The following FOCAD variants were observed in gnomAD, a reference collection of about 807,000 sequenced individuals.
FOCAD encodes focadhesin, also known as KIAA1797.
Under a neutral mutation model 225.6 loss-of-function variants are expected in FOCAD, and 198 were observed. The observed-to-expected ratio is 0.88, with a 90% confidence interval of 0.78 to 0.99. The LOEUF (loss-of-function observed/expected upper bound fraction) is 0.99, where lower values mean the gene tolerates loss of function less well. Ranked by LOEUF, FOCAD falls within the 50% of genes least tolerant of loss-of-function variation. The pLI, the probability that FOCAD is intolerant of heterozygous loss-of-function variation, is 0.00. For synonymous variants in FOCAD, 897 were observed against 755.0 expected, an observed-to-expected ratio of 1.19 and a Z score of -3.08; for missense variants, 2,713 against 2,123.6, an observed-to-expected ratio of 1.28 and a Z score of -5.46.
At chr9:20,862,269 G>C (rs1828840068) in intron 15 of FOCAD, among the ~76,000 whole-genome samples, 1 of 151,984 alleles carries the variant, frequency 6.6e-6, no homozygotes, top group Non-Finnish European at 1.5e-5. Context: ...CATATAGCTA[G>C]ATAATCTGGA....
At chr9:20,763,826 C>T (rs901747677) in intron 6 of FOCAD, among the ~76,000 whole-genome samples, 2 of 152,016 alleles carry the variant, frequency 1.3e-5, no homozygotes, top group African/African-American at 2.4e-5. Context: ...AATGACATGA[C>T]CATATTTTTA....
intron 28 of FOCAD, among the ~76,000 whole-genome samples, chr9:20,937,795 C>T (rs1003197783): frequency 6.6e-6 from 1 of 152,074 alleles, no homozygotes; most frequent in African/African-American, 2.4e-5. Context: ...AACAGGCAAC[C>T]TACAGAATGG....
chr9:20,769,930 G>A, intron 7 of FOCAD, 102 bp from the exon 8 acceptor site: 2 of 1,043,728 alleles, frequency 1.9e-6, no homozygotes, highest in Non-Finnish European at 2.8e-6. Context: ...AGTCTTTATA[G>A]GTTTAGAGAA....
chr9:20,949,748 TACAA>T, intron 33 of FOCAD, 73 bp downstream of exon 33: 4 of 1,241,524 alleles, frequency 3.2e-6, no homozygotes, highest in Non-Finnish European at 4.7e-6. Flanking sequence ...TATTACATGA[TACAA>T]CATGTTTTAC....
chr9:20,791,556 G>T, intron 11 of FOCAD, among the ~76,000 whole-genome samples: 1 of 152,078 alleles, frequency 6.6e-6, no homozygotes, highest in Non-Finnish European at 1.5e-5. Context: ...TCATGGTCTG[G>T]GCAGTATTTT....
chr9:20,978,260 T>G, intron 36 of FOCAD, 79 bp from the exon 37 acceptor site: 1 of 856,580 alleles, frequency 1.2e-6, no homozygotes, highest in Non-Finnish European at 1.7e-6. Context: ...AGCAGATGCT[T>G]TGATTTGAGA....
intron 11 of FOCAD, among the ~76,000 whole-genome samples, chr9:20,804,097 A>C (rs1404821399): frequency 6.6e-6 from 1 of 152,018 alleles, no homozygotes; most frequent in African/African-American, 2.4e-5. Context: ...GGTTCGATTC[A>C]CACCTTTTCC....
intron 24 of FOCAD, among the ~76,000 whole-genome samples, chr9:20,921,435 C>G (rs187673607): frequency 1.2e-4 from 19 of 152,286 alleles, no homozygotes; most frequent in Non-Finnish European, 2.5e-4. Flanking sequence ...ATTTGAGCAA[C>G]AAGGTGATGA....
At chr9:20,823,178 A>G (rs1824514346) in intron 15 of FOCAD, 63 bp downstream of exon 15, 7 of 1,503,116 alleles carry the variant, frequency 4.7e-6, no homozygotes, top group Non-Finnish European at 6.3e-6. Context: ...CAGAGTGGGT[A>G]CAAGAATGTA....
Position 20,964,984 on chromosome 9 carries a change from C to T in FOCAD, c.4133-11436C>T, listed in dbSNP as rs146432091. Reference sequence around the variant, plus strand: ...GAGAAGGTGCTGATGGGAAATAAGTCTAAAATATGGGAGAAAGGCCTAGAT... The same window carrying T: ...GAGAAGGTGCTGATGGGAAATAAGTTTAAAATATGGGAGAAAGGCCTAGAT... On this transcript the variant is annotated intron_variant, in intron 35 of 43. Transcript: ENST00000338382. 2.7e-3 allele frequency among the ~76,000 whole-genome samples: 406 copies of T among 152,066 alleles called. 4 individuals carry two copies. The highest frequency in any genetic ancestry group is 8.9e-3 in the African/African-American group (369 of 41,470).
At chr9:20,669,067 C>T (rs941455200) in intron 2 of FOCAD, among the ~76,000 whole-genome samples, 2 of 152,134 alleles carry the variant, frequency 1.3e-5, no homozygotes, top group African/African-American at 2.4e-5. Flanking sequence ...ATTTATTTCC[C>T]TGCTCTTGGA....
chr9:20,957,480 T>TTTTTTTTTC, intron 35 of FOCAD: 1 of 112,376 alleles, frequency 8.9e-6, no homozygotes, highest in South Asian at 2.9e-4. Context: ...TTTCTTTTCT[T>TTTTTTTTTC]TTTTTTTTTT....
At chr9:20,692,658 C>G (rs892457039) in intron 1 of FOCAD, among the ~76,000 whole-genome samples, 1 of 152,144 alleles carries the variant, frequency 6.6e-6, no homozygotes, top group African/African-American at 2.4e-5. Context: ...GATGGCTTAT[C>G]TCTGCTCTAC....
intron 2 of FOCAD, chr9:20,716,026 A>G: frequency 2.8e-6 from 1 of 357,808 alleles, no homozygotes. Flanking sequence ...AGACCAGCAG[A>G]AGCCATCTTG....
chr9:20,772,679 G>C (rs79620321), intron 8 of FOCAD, among the ~76,000 whole-genome samples: 3,936 of 152,118 alleles, frequency 0.026, 59 homozygotes, highest in Middle Eastern at 0.048. Flanking sequence ...GTGGTGGTTG[G>C]GGGGCGTGGA....
intron 21 of FOCAD, among the ~76,000 whole-genome samples, chr9:20,899,941 TC>T (rs1338640759): frequency 6.6e-6 from 1 of 151,854 alleles, no homozygotes; most frequent in Non-Finnish European, 1.5e-5. Context: ...TGAAGTGGCC[TC>T]TCTCTCTGCT....
chr9:20,790,824 T>A (rs1270695119), intron 11 of FOCAD, among the ~76,000 whole-genome samples: 1 of 152,172 alleles, frequency 6.6e-6, no homozygotes, highest in Non-Finnish European at 1.5e-5. Flanking sequence ...AATTCCTTTT[T>A]AACCTCAAAT....
intron 8 of FOCAD, among the ~76,000 whole-genome samples, chr9:20,778,076 C>T (rs1164086493): frequency 7.9e-5 from 8 of 100,970 alleles, no homozygotes; most frequent in African/African-American, 2.9e-4. Flanking sequence ...GGCGACAGAA[C>T]GAGACTCCGT....
chr9:20,895,285 G>A (rs558841858), intron 21 of FOCAD, among the ~76,000 whole-genome samples: 2 of 151,764 alleles, frequency 1.3e-5, no homozygotes, highest in African/African-American at 4.8e-5. Flanking sequence ...TCAGTATTTT[G>A]TTGGCTCTTC....
Sources: allele counts gnomAD v4.1 joint callset (sites outside exome capture counted in the v4.1 genomes callset), GRCh38; gene constraint gnomAD v4.1.1; transcripts MANE v1.5; gene names NCBI Gene and HGNC (gene_info 2026-07-23, HGNC 2026-07-21).